DOK6: variants seen among roughly 807,000 people sequenced by gnomAD.
DOK6 encodes docking protein 6, also known as downstream of tyrosine kinase 6.
Under a neutral mutation model 44.0 loss-of-function variants are expected in DOK6, and 22 were observed. That is an observed-to-expected ratio of 0.50 (90% CI 0.36 to 0.71). DOK6 has a LOEUF of 0.71. DOK6 is among the 30% of genes least tolerant of loss of function. The pLI, the probability that DOK6 is intolerant of heterozygous loss-of-function variation, is 0.00. For synonymous variants in DOK6, 166 were observed against 145.5 expected (o/e 1.14, Z -1.01); for missense variants, 340 against 416.4 (o/e 0.82, Z 1.60).
chr18:69,499,275 TAAG>T (rs34700158), intron 1 of DOK6, among the ~76,000 whole-genome samples: 48,508 of 151,724 alleles, frequency 0.32, 8,816 homozygotes, highest in Non-Finnish European at 0.42. Flanking sequence ...TGCGATGGGC[TAAG>T]AAGATTACTT....
At chr18:69,707,351 G>C (rs1458000464) in intron 5 of DOK6, among the ~76,000 whole-genome samples, 1 of 152,166 alleles carries the variant, frequency 6.6e-6, no homozygotes, top group Non-Finnish European at 1.5e-5. Flanking sequence ...AGTTCTTATA[G>C]AAACTCTTAA....
chr18:69,479,499 G>A (rs557393347), intron 1 of DOK6, among the ~76,000 whole-genome samples: 2 of 152,206 alleles, frequency 1.3e-5, no homozygotes, highest in Non-Finnish European at 1.5e-5. Flanking sequence ...GGAATACAAC[G>A]TTTTCCTCAG....
intron 1 of DOK6, among the ~76,000 whole-genome samples, chr18:69,541,137 T>G (rs932425601): frequency 7.0e-6 from 1 of 143,448 alleles, no homozygotes; most frequent in African/African-American, 2.4e-5. Flanking sequence ...GTTTGCTCCT[T>G]GAAGGCAACT....
At chr18:69,476,475 CAG>C (rs1320313600) in intron 1 of DOK6, among the ~76,000 whole-genome samples, 256 of 152,292 alleles carry the variant, frequency 1.7e-3, no homozygotes, top group East Asian at 0.012. Flanking sequence ...GTCACTTGAT[CAG>C]TCAGAGTTCC....
At chr18:69,508,299 A>G (rs1981252831) in intron 1 of DOK6, among the ~76,000 whole-genome samples, 2 of 152,104 alleles carry the variant, frequency 1.3e-5, no homozygotes, top group Admixed American at 1.3e-4. Flanking sequence ...TTAATAAGGT[A>G]CATTGGTCTG....
chr18:69,708,667 C>T (rs895657145), intron 5 of DOK6, among the ~76,000 whole-genome samples: 5 of 151,792 alleles, frequency 3.3e-5, no homozygotes, highest in African/African-American at 1.2e-4. Flanking sequence ...CGCCAGTGTC[C>T]CACCTACTCG....
chr18:69,511,701 C>A (rs8087145), intron 1 of DOK6, among the ~76,000 whole-genome samples: 56,680 of 152,088 alleles, frequency 0.37, 10,986 homozygotes, highest in Non-Finnish European at 0.41. Context: ...CTCATCCCAT[C>A]TGTAAATTTA....
rs142529919 is a variant in DOK6 at position 69,565,901 on chromosome 18, T to C, written c.174+1307T>C. Among the ~76,000 whole-genome samples the C allele has an allele frequency of 2.8e-3, 431 of 152,356 alleles. 2 individuals are homozygous for C. The highest frequency in any genetic ancestry group is 9.7e-3 in the African/African-American group (403 of 41,588). On this transcript the variant is annotated intron_variant, in intron 2 of 7. Coordinates refer to ENST00000382713, the MANE Select transcript of DOK6 (RefSeq NM_152721.6). ...CTAAAGTCTTGCTGATATGTTTGTG[T>C]TATAACTATGATTATGACTTTGGCA...
intron 7 of DOK6, among the ~76,000 whole-genome samples, chr18:69,838,938 T>G (rs1379630931): frequency 6.7e-6 from 1 of 150,340 alleles, no homozygotes; most frequent in African/African-American, 2.5e-5. Context: ...GCCCCTACCT[T>G]AGTTCCTTCC....
chr18:69,403,196 AAGAAT>A (rs1320272112), intron 1 of DOK6, among the ~76,000 whole-genome samples: 7 of 152,164 alleles, frequency 4.6e-5, no homozygotes, highest in Non-Finnish European at 1.0e-4. Flanking sequence ...AATGAGACTG[AAGAAT>A]GTAGCCTGAG....
chr18:69,486,601 G>A (rs1353524456), intron 1 of DOK6, among the ~76,000 whole-genome samples: 1 of 152,152 alleles, frequency 6.6e-6, no homozygotes, highest in Non-Finnish European at 1.5e-5. Flanking sequence ...TGTAATGCCA[G>A]TGGCTGAACC....
chr18:69,567,384 A>T (rs1983008990), intron 2 of DOK6, among the ~76,000 whole-genome samples: 1 of 152,208 alleles, frequency 6.6e-6, no homozygotes, highest in South Asian at 2.1e-4. Context: ...GCTAAGACTC[A>T]ACTGAAAAGA....
intron 1 of DOK6, among the ~76,000 whole-genome samples, chr18:69,540,612 C>T (rs775156051): frequency 8.5e-5 from 13 of 152,190 alleles, no homozygotes; most frequent in South Asian, 2.1e-4. Context: ...GTGTATTTCT[C>T]GACGTCTTCA....
At chr18:69,777,550 C>G (rs888508200) in intron 7 of DOK6, among the ~76,000 whole-genome samples, 1 of 151,852 alleles carries the variant, frequency 6.6e-6, no homozygotes, top group Non-Finnish European at 1.5e-5. Flanking sequence ...TAGTTTTTTT[C>G]TTACCCCAGC....
intron 7 of DOK6, among the ~76,000 whole-genome samples, chr18:69,767,083 T>A (rs1979739731): frequency 6.6e-6 from 1 of 151,908 alleles, no homozygotes. Context: ...CAAAAAAAAA[T>A]TAGCCAGGCA....
At chr18:69,695,750 G>A (rs992180956) in intron 4 of DOK6, among the ~76,000 whole-genome samples, 3 of 152,160 alleles carry the variant, frequency 2.0e-5, no homozygotes, top group Admixed American at 6.5e-5. Context: ...GAAATTAGCT[G>A]TTAGGAGAGA....
intron 1 of DOK6, among the ~76,000 whole-genome samples, chr18:69,517,969 T>A (rs1981578795): frequency 6.6e-6 from 1 of 152,096 alleles, no homozygotes; most frequent in East Asian, 1.9e-4. Context: ...CCAAATTACA[T>A]CTTTCTACAT....
At chr18:69,545,571 C>CTTTTTT (rs1222875625) in intron 1 of DOK6, among the ~76,000 whole-genome samples, 5 of 147,932 alleles carry the variant, frequency 3.4e-5, no homozygotes, top group African/African-American at 1.2e-4. Flanking sequence ...AAAATTGCCA[C>CTTTTTT]TACTTAGAAT....
chr18:69,822,647 C>T (rs1488477996), intron 7 of DOK6, among the ~76,000 whole-genome samples: 1 of 152,130 alleles, frequency 6.6e-6, no homozygotes, highest in African/African-American at 2.4e-5. Flanking sequence ...CCTTTGCAGG[C>T]GTATGTTTCT....
Sources: gnomAD v4.1 joint callset for allele counts (sites outside exome capture counted in the v4.1 genomes callset) on GRCh38, gnomAD v4.1.1 for gene constraint, MANE v1.5 for transcripts, NCBI Gene and HGNC (gene_info 2026-07-23, HGNC 2026-07-21) for gene names.